Variants in PALLD observed in about 807,000 individuals in gnomAD.
PALLD encodes palladin, cytoskeletal associated protein.
Under a neutral mutation model 123.5 loss-of-function variants are expected in PALLD, and 61 were observed. The ratio of observed to expected loss-of-function variants is 0.49; its 90% CI spans 0.40 to 0.61. PALLD has a LOEUF of 0.61. Among genes scored for constraint, PALLD ranks in the 20% least tolerant of loss-of-function variants. The probability of loss-of-function intolerance (pLI) is 0.00; values close to 1 mark genes in which losing one functional copy is unlikely to be tolerated. For missense variants in PALLD, 1,273 were observed against 1,377.0 expected (o/e 0.92, Z 1.20); for synonymous variants, 465 against 496.4 (o/e 0.94, Z 0.84).
At chr4:168,893,349 T>C (rs1393271127) in intron 11 of PALLD, among the ~76,000 whole-genome samples, 2 of 152,214 alleles carry the variant, frequency 1.3e-5, no homozygotes, top group Admixed American at 6.5e-5. Context: ...CCTCTGCCTC[T>C]TCTTGTCCTC....
chr4:168,712,016 G>T, intron 10 of PALLD, 93 bp downstream of exon 10: 1 of 1,071,824 alleles, frequency 9.3e-7, no homozygotes. Context: ...ATTCAACTAT[G>T]TGGCAAGTTG....
intron 10 of PALLD, among the ~76,000 whole-genome samples, chr4:168,714,755 G>A (rs1785177513): frequency 1.3e-5 from 2 of 151,938 alleles, no homozygotes; most frequent in Admixed American, 1.3e-4. Context: ...ACAATTCGGA[G>A]GGCGCAAGTA....
At chr4:168,689,432 C>CCT (rs1782399794) in intron 6 of PALLD, among the ~76,000 whole-genome samples, 1 of 49,834 alleles carries the variant, frequency 2.0e-5, no homozygotes, top group Admixed American at 3.5e-4. Flanking sequence ...ATCCAATATT[C>CCT]TTTTTTTTTT....
In PALLD at chr4:168,816,411, A is replaced by ATTTTTTT. The variant is rs201234473; in HGVS notation, c.1965-74510_1965-74509insTTTTTTT. Reference sequence around the variant, plus strand: ...TGTGTATATATATATATATATATATATATTTTTTTTAAGTATTAGATTGGA... The same window carrying ATTTTTTT: ...TGTGTATATATATATATATATATATATTTTTTTTATTTTTTTTAAGTATTAGATTGGA... On this transcript the variant is annotated intron_variant, in intron 10 of 21. Coordinates refer to ENST00000505667, the MANE Select transcript of PALLD (RefSeq NM_001166108.2). Among the ~76,000 whole-genome samples, 5 of 113,694 alleles carry ATTTTTTT rather than the reference A, an allele frequency of 4.4e-5. No homozygotes were observed. In the East Asian group the frequency reaches 9.9e-4, roughly 23 times the overall value. 74.6% of individuals were successfully genotyped at this position (113,694 alleles called of 152,430 possible). A position where few individuals can be genotyped will look rare whatever the true frequency, so the allele number is the denominator to read the frequency against.
At chr4:168,709,592 G>GAA (rs1561429757) in intron 9 of PALLD, among the ~76,000 whole-genome samples, 225 of 2,564 alleles carry the variant, frequency 0.088, 80 homozygotes, top group African/African-American at 0.16. Context: ...GGAAGGAAGG[G>GAA]AGGGAGGGAG....
intron 2 of PALLD, among the ~76,000 whole-genome samples, chr4:168,565,197 T>C (rs1768252651): frequency 6.6e-6 from 1 of 152,010 alleles, no homozygotes; most frequent in South Asian, 2.1e-4. Flanking sequence ...CTTTAGTCTT[T>C]CACTTTTTTT....
intron 9 of PALLD, 121 bp from the exon 10 acceptor site, chr4:168,711,460 A>G (rs998519760): frequency 1.8e-5 from 14 of 777,066 alleles, no homozygotes; most frequent in Non-Finnish European, 3.2e-5. Context: ...GAGCAGCACA[A>G]TCACCTCTTC....
intron 2 of PALLD, among the ~76,000 whole-genome samples, chr4:168,650,614 T>A (rs1395090817): frequency 2.0e-5 from 3 of 152,208 alleles, no homozygotes; most frequent in Non-Finnish European, 4.4e-5. Context: ...CTGGGTCAAT[T>A]GTATATGTAT....
intron 18 of PALLD, among the ~76,000 whole-genome samples, chr4:168,922,362 GAACAT>G (rs1761755047): frequency 6.6e-6 from 1 of 152,136 alleles, no homozygotes; most frequent in Admixed American, 6.5e-5. Flanking sequence ...TTTTAAGAAA[GAACAT>G]AACAAAACAT....
At chr4:168,756,912 G>A (rs951855841) in intron 10 of PALLD, among the ~76,000 whole-genome samples, 3 of 152,200 alleles carry the variant, frequency 2.0e-5, no homozygotes, top group African/African-American at 7.2e-5. Context: ...GAGGCCGAAG[G>A]TGAAAAGGGG....
At chr4:168,705,681 G>A (rs1784154808) in intron 8 of PALLD, among the ~76,000 whole-genome samples, 1 of 152,074 alleles carries the variant, frequency 6.6e-6, no homozygotes, top group African/African-American at 2.4e-5. Flanking sequence ...TTGTTGCCCA[G>A]GCTGGAGTGC....
chr4:168,888,718 G>A (rs1753715939), intron 10 of PALLD, among the ~76,000 whole-genome samples: 1 of 152,154 alleles, frequency 6.6e-6, no homozygotes, highest in African/African-American at 2.4e-5. Flanking sequence ...CTCTCGAGGG[G>A]ATTGAGACCA....
chr4:168,915,417 G>A (rs1759899135), intron 16 of PALLD, among the ~76,000 whole-genome samples: 1 of 152,104 alleles, frequency 6.6e-6, no homozygotes, highest in Non-Finnish European at 1.5e-5. Flanking sequence ...TAATGCAAAA[G>A]AAAACTTGCC....
chr4:168,864,128 C>G (rs1173455921), intron 10 of PALLD, among the ~76,000 whole-genome samples: 1 of 152,168 alleles, frequency 6.6e-6, no homozygotes, highest in Non-Finnish European at 1.5e-5. Flanking sequence ...TATATGCACA[C>G]ATACACATGA....
chr4:168,587,947 G>A (rs1025241447), intron 2 of PALLD, among the ~76,000 whole-genome samples: 1 of 152,052 alleles, frequency 6.6e-6, no homozygotes, highest in African/African-American at 2.4e-5. Flanking sequence ...ATGAGACTGC[G>A]AGGCGTGTCA....
chr4:168,522,599 T>C (rs774151024), intron 2 of PALLD, among the ~76,000 whole-genome samples: 5 of 152,360 alleles, frequency 3.3e-5, no homozygotes, highest in Middle Eastern at 3.4e-3. Context: ...ATTACAGCAA[T>C]TCAAGGACTC....
intron 2 of PALLD, among the ~76,000 whole-genome samples, chr4:168,599,010 T>C (rs1301770157): frequency 6.6e-6 from 1 of 152,190 alleles, no homozygotes; most frequent in Non-Finnish European, 1.5e-5. Flanking sequence ...TTCCTTATTA[T>C]ATTGAAACTT....
rs148394196 is a variant in PALLD at position 168,794,494 on chromosome 4, GCA to G, written c.1964+82581_1964+82582del. Among the ~76,000 whole-genome samples the G allele has an allele frequency of 2.7e-4, 36 of 135,834 alleles. No individual in the cohort carries two copies. In the East Asian group the frequency reaches 3.6e-3, roughly 13 times the overall value. 89.1% of individuals were successfully genotyped at this position (135,834 alleles called of 152,430 possible). ...CGTGCACACGCACACACACATGCAC[GCA>G]CACACACACGCACACACACACACAC... On this transcript the variant is annotated intron_variant, in intron 10 of 21. Transcript: ENST00000505667.
intron 2 of PALLD, among the ~76,000 whole-genome samples, chr4:168,585,803 T>C (rs1034618629): frequency 6.6e-6 from 1 of 152,122 alleles, no homozygotes; most frequent in Middle Eastern, 3.2e-3. Flanking sequence ...TCCCAAACAA[T>C]GTCAGAGTTA....
Sources: gnomAD v4.1 joint callset for allele counts (sites outside exome capture counted in the v4.1 genomes callset) on GRCh38, gnomAD v4.1.1 for gene constraint, MANE v1.5 for transcripts, NCBI Gene and HGNC (gene_info 2026-07-23, HGNC 2026-07-21) for gene names.